CDK14: variants seen among roughly 807,000 people sequenced by gnomAD.
CDK14 encodes cyclin dependent kinase 14.
CDK14 carries 34 observed loss-of-function variants against 60.7 expected under a neutral mutation model. The observed-to-expected ratio is 0.56, with a 90% CI of 0.43 to 0.75. The LOEUF is 0.75. Ranked by LOEUF, CDK14 falls within the 30% of genes least tolerant of loss-of-function variation. The probability of loss-of-function intolerance (pLI) is 0.00; values close to 1 mark genes in which losing one functional copy is unlikely to be tolerated. For missense variants in CDK14, 482 were observed against 564.1 expected, an observed-to-expected ratio of 0.85 and a Z score of 1.47; for synonymous variants, 197 against 203.7, an observed-to-expected ratio of 0.97 and a Z score of 0.28.
chr7:91,176,166 T>C (rs1416229607), intron 14 of CDK14, among the ~76,000 whole-genome samples: 17 of 151,818 alleles, frequency 1.1e-4, no homozygotes, highest in Admixed American at 5.9e-4. Flanking sequence ...CACTCAAAAC[T>C]GCTCAACTAC....
At chr7:90,799,936 G>T (rs1034321466) in intron 5 of CDK14, among the ~76,000 whole-genome samples, 1 of 152,064 alleles carries the variant, frequency 6.6e-6, no homozygotes, top group Non-Finnish European at 1.5e-5. Flanking sequence ...ATAAAGAAAG[G>T]AAGGCAGCAT....
chr7:90,691,323 AG>A (rs1262870575), intron 2 of CDK14, among the ~76,000 whole-genome samples: 1 of 151,950 alleles, frequency 6.6e-6, no homozygotes, highest in Non-Finnish European at 1.5e-5. Context: ...AATAAAGAGA[AG>A]GGGGGTATAG....
At chr7:90,603,384 A>G (rs1049388440) in intron 1 of CDK14, among the ~76,000 whole-genome samples, 1 of 152,146 alleles carries the variant, frequency 6.6e-6, no homozygotes, top group Admixed American at 6.5e-5. Context: ...CTATGTTTAG[A>G]TACACAAATA....
intron 5 of CDK14, among the ~76,000 whole-genome samples, chr7:90,804,764 T>A (rs1381882724): frequency 6.6e-6 from 1 of 152,142 alleles, no homozygotes; most frequent in Non-Finnish European, 1.5e-5. Flanking sequence ...TGTAAAAAAT[T>A]TATATGACAT....
At chr7:91,068,426 C>A (rs1798040962) in intron 11 of CDK14, among the ~76,000 whole-genome samples, 1 of 152,144 alleles carries the variant, frequency 6.6e-6, no homozygotes. Flanking sequence ...TTGATAACTC[C>A]AAAACTCCAG....
rs570135793 is a variant in CDK14 at position 91,174,006 on chromosome 7, G to A, written c.*29-33159G>A. On this transcript the variant is annotated intron_variant, in intron 14 of 14. Transcript: ENST00000380050. Reference sequence around the variant, plus strand: ...TGTAGGCTCCACCTCTGGGGGCAGGGCACAGACAAACAAAAAGATAGCAGT... The same window carrying A: ...TGTAGGCTCCACCTCTGGGGGCAGGACACAGACAAACAAAAAGATAGCAGT... Among the ~76,000 whole-genome samples the A allele has an allele frequency of 4.6e-3, 700 of 152,262 alleles. 4 individuals are homozygous for A. Among genetic ancestry groups the A allele is most frequent in the African/African-American group, 0.016 (667 of 41,558 alleles).
chr7:90,617,405 A>C (rs887961991), intron 2 of CDK14, among the ~76,000 whole-genome samples: 8 of 152,130 alleles, frequency 5.3e-5, no homozygotes, highest in African/African-American at 1.9e-4. Flanking sequence ...TTGGGAAAAC[A>C]AAGTTCTTAC....
At chr7:90,861,179 AC>A (rs1790996527) in intron 5 of CDK14, among the ~76,000 whole-genome samples, 1 of 152,124 alleles carries the variant, frequency 6.6e-6, no homozygotes, top group Non-Finnish European at 1.5e-5. Flanking sequence ...TATGCTTTAG[AC>A]CTTGATCCAG....
At chr7:91,056,410 CT>C (rs887196306) in intron 11 of CDK14, among the ~76,000 whole-genome samples, 14 of 149,478 alleles carry the variant, frequency 9.4e-5, no homozygotes, top group East Asian at 2.0e-4. Flanking sequence ...TGTGAAAATT[CT>C]TTTTTTTTAA....
At chr7:90,969,479 A>G (rs184660179) in intron 9 of CDK14, among the ~76,000 whole-genome samples, 2 of 152,316 alleles carry the variant, frequency 1.3e-5, no homozygotes, top group East Asian at 3.9e-4. Flanking sequence ...TAAGATAATT[A>G]CCCATGAATA....
intron 14 of CDK14, among the ~76,000 whole-genome samples, chr7:91,181,259 T>G (rs1801991840): frequency 1.3e-5 from 2 of 152,166 alleles, no homozygotes; most frequent in Non-Finnish European, 2.9e-5. Context: ...TTCATAAAAT[T>G]TTGTGGAAGA....
At chr7:91,017,642 G>T (rs1462616213) in intron 10 of CDK14, among the ~76,000 whole-genome samples, 1 of 152,152 alleles carries the variant, frequency 6.6e-6, no homozygotes. Flanking sequence ...ATGGTCGATA[G>T]GTGTTTGTGT....
intron 12 of CDK14, among the ~76,000 whole-genome samples, chr7:91,088,043 A>G (rs1159361062): frequency 1.3e-5 from 2 of 152,226 alleles, no homozygotes; most frequent in Non-Finnish European, 2.9e-5. Context: ...TTTTCTTGTA[A>G]TATAACCTGT....
At chr7:91,012,908 C>T (rs1276240828) in intron 10 of CDK14, among the ~76,000 whole-genome samples, 2 of 152,126 alleles carry the variant, frequency 1.3e-5, no homozygotes, top group Admixed American at 6.5e-5. Context: ...GAGGGCGTAA[C>T]GTTAAGTAGG....
intron 3 of CDK14, among the ~76,000 whole-genome samples, chr7:90,732,985 A>G (rs1802932985): frequency 6.6e-6 from 1 of 152,062 alleles, no homozygotes; most frequent in South Asian, 2.1e-4. Flanking sequence ...TTAGTGCTAT[A>G]AATTTCCCTC....
intron 11 of CDK14, among the ~76,000 whole-genome samples, chr7:91,051,321 A>G (rs1309141537): frequency 6.6e-6 from 1 of 152,202 alleles, no homozygotes; most frequent in Non-Finnish European, 1.5e-5. Flanking sequence ...CATCCAAACT[A>G]TATCAGAGTC....
Position 90,757,937 on chromosome 7 carries a change from A to G in CDK14, c.464+10162A>G, listed in dbSNP as rs550537279. 2.6e-5 allele frequency among the ~76,000 whole-genome samples: 4 copies of G among 152,284 alleles called. No individual in the cohort carries two copies. In the East Asian group the frequency reaches 7.7e-4, roughly 29 times the overall value. On this transcript the variant is annotated intron_variant, in intron 4 of 14. Coordinates refer to ENST00000380050, the MANE Select transcript of CDK14 (RefSeq NM_001287135.2). ...AATTCTTGATTGTGGAGTAGTTGCT[A>G]TTAGGCATAGTTTAGAAGCTTGAGG... is the stretch of plus-strand genomic sequence containing the variant.
At chr7:90,603,758 A>G (rs1252960397) in intron 1 of CDK14, among the ~76,000 whole-genome samples, 1 of 152,224 alleles carries the variant, frequency 6.6e-6, no homozygotes, top group Non-Finnish European at 1.5e-5. Context: ...TAGCAGGCTT[A>G]GTCTTTCATC....
At chr7:90,599,370 C>A (rs1799266624) in intron 1 of CDK14, among the ~76,000 whole-genome samples, 1 of 152,146 alleles carries the variant, frequency 6.6e-6, no homozygotes, top group Admixed American at 6.5e-5. Context: ...GTAGTGTAGC[C>A]AGCCTTAAAA....
Sources: gnomAD v4.1 joint callset for allele counts (sites outside exome capture counted in the v4.1 genomes callset) on GRCh38, gnomAD v4.1.1 for gene constraint, MANE v1.5 for transcripts, NCBI Gene and HGNC (gene_info 2026-07-23, HGNC 2026-07-21) for gene names.